The following ANKH variants were observed in gnomAD, a reference collection of about 807,000 sequenced individuals.
ANKH encodes the protein mineralization regulator ANKH.
Under a neutral mutation model 49.0 loss-of-function variants are expected in ANKH, and 15 were observed. That is an observed-to-expected ratio of 0.31 (90% CI 0.20 to 0.47). The LOEUF (loss-of-function observed/expected upper bound fraction) is 0.47, where lower values mean the gene tolerates loss of function less well. Among genes scored for constraint, ANKH ranks in the 20% least tolerant of loss-of-function variants. ANKH has a pLI of 1.00. For synonymous variants in ANKH, 273 were observed against 260.0 expected (o/e 1.05, Z -0.48); for missense variants, 429 against 652.0 (o/e 0.66, Z 3.72).
intron 1 of ANKH, among the ~76,000 whole-genome samples, chr5:14,822,758 C>A (rs535742780): frequency 6.6e-6 from 1 of 152,162 alleles, no homozygotes; most frequent in Non-Finnish European, 1.5e-5. Context: ...TTACTAATAC[C>A]GTAATTGGCT....
chr5:14,858,746 T>C (rs927854734), intron 1 of ANKH, among the ~76,000 whole-genome samples: 2 of 102,234 alleles, frequency 2.0e-5, no homozygotes, highest in African/African-American at 6.6e-5. Flanking sequence ...AATAAATAAA[T>C]AAATAAATAA....
At chr5:14,832,727 T>C (rs1561075707) in intron 1 of ANKH, among the ~76,000 whole-genome samples, 1 of 152,228 alleles carries the variant, frequency 6.6e-6, no homozygotes, top group African/African-American at 2.4e-5. Flanking sequence ...GTAGAGTTTG[T>C]TGGGCTGTTA....
chr5:14,722,468 G>C lies in ANKH; in HGVS notation c.1012-5633C>G, dbSNP rs549131933. 3.9e-5 allele frequency among the ~76,000 whole-genome samples: 6 copies of C among 152,280 alleles called. No homozygotes were observed. The South Asian group carries it at 1.2e-3, about 32-fold the overall frequency. ...AATGACTCATTCTAGGACCAAGGCA[G>C]AGAATATGCAAGATGATTCGCTTGG... On this transcript the variant is annotated intron_variant, in intron 8 of 11. Coordinates refer to ENST00000284268, the MANE Select transcript of ANKH (RefSeq NM_054027.6).
At chr5:14,746,007 A>G (rs539587910) in intron 6 of ANKH, 45 bp from the exon 7 acceptor site, 22 of 1,533,532 alleles carry the variant, frequency 1.4e-5, no homozygotes, top group Non-Finnish European at 1.8e-5. Context: ...ACCAGCAGGA[A>G]GTCCTCCAGG....
Position 14,826,722 on chromosome 5 carries a change from G to A in ANKH, c.96+44630C>T, listed in dbSNP as rs146895261. ...TTTGACTGTTGCATGCCAAGTAAGA[G>A]AGCAGATTTTCATATTAATTCTTAA... On this transcript the variant is annotated intron_variant, in intron 1 of 11. Coordinates refer to ENST00000284268, the MANE Select transcript of ANKH (RefSeq NM_054027.6). 8.8e-4 allele frequency among the ~76,000 whole-genome samples: 134 copies of A among 152,284 alleles called. 1 individual carries two copies. In the East Asian group the frequency reaches 0.024, roughly 27 times the overall value.
At chr5:14,810,424 G>T (rs569929603) in intron 1 of ANKH, among the ~76,000 whole-genome samples, 3 of 152,302 alleles carry the variant, frequency 2.0e-5, no homozygotes, top group Admixed American at 2.0e-4. Flanking sequence ...CTCCCAAAGT[G>T]CTGGGATTAC....
chr5:14,841,903 G>A (rs1291535174), intron 1 of ANKH, among the ~76,000 whole-genome samples: 1 of 152,168 alleles, frequency 6.6e-6, no homozygotes, highest in Non-Finnish European at 1.5e-5. Context: ...TGTGGCATGT[G>A]TCAATATGTG....
chr5:14,847,555 AGGCCT>A (rs1480879168), intron 1 of ANKH, among the ~76,000 whole-genome samples: 2 of 152,230 alleles, frequency 1.3e-5, no homozygotes, highest in Non-Finnish European at 2.9e-5. Flanking sequence ...TGGTCTGGGC[AGGCCT>A]GGTCCTTCTA....
intron 1 of ANKH, among the ~76,000 whole-genome samples, chr5:14,781,279 G>A (rs1221568739): frequency 2.0e-5 from 3 of 152,190 alleles, no homozygotes; most frequent in African/African-American, 7.2e-5. Context: ...TGAGGTTGTG[G>A]TTCAGGGGGA....
Position 14,745,763 on chromosome 5 carries a change from G to T in ANKH, c.915+107C>A. On this transcript the variant is annotated intron_variant, in intron 7 of 11. Transcript: ENST00000284268. This position sits in a 1 kb window ranked among gnomAD's most constrained non-coding sequence, Gnocchi z 4.7. ...CCCAACGTCACATTAACCTTACAAA[G>T]GGAAGCAGGACTGAGAAGCAACAAA... is the stretch of plus-strand genomic sequence containing the variant. 1.0e-6 allele frequency: 1 copy of T among 966,866 alleles called. No individual in the cohort carries two copies. Among genetic ancestry groups the T allele is most frequent in the South Asian group, 1.3e-5 (1 of 74,152 alleles). The allele number at this position is 966,866 out of a possible 1,614,324, so 59.9% of individuals were successfully genotyped here. A position where few individuals can be genotyped will look rare whatever the true frequency, so the allele number is the denominator to read the frequency against.
At chr5:14,764,580 AAAAT>A (rs1239921381) in intron 2 of ANKH, among the ~76,000 whole-genome samples, 4 of 152,246 alleles carry the variant, frequency 2.6e-5, no homozygotes, top group African/African-American at 7.2e-5. Context: ...CTTGCAAACA[AAAAT>A]AAATGCTTGT....
intron 1 of ANKH, 124 bp from the exon 2 acceptor site, chr5:14,769,315 C>T: frequency 5.0e-6 from 4 of 794,598 alleles, no homozygotes; most frequent in East Asian, 2.7e-5. Flanking sequence ...TTATAGGGTG[C>T]ATCTCATGTA....
chr5:14,862,602 A>G (rs1198486426), intron 1 of ANKH, among the ~76,000 whole-genome samples: 1 of 152,198 alleles, frequency 6.6e-6, no homozygotes, highest in East Asian at 1.9e-4. Flanking sequence ...CCAGATGAGA[A>G]CTATGTCCAA....
chr5:14,713,462 C>CT lies in ANKH; in HGVS notation c.1265+81dup. 2 of 1,571,296 alleles carry CT rather than the reference C, an allele frequency of 1.3e-6. No homozygotes were observed. The highest frequency in any genetic ancestry group is 1.7e-6 in the Non-Finnish European group (2 of 1,151,004). ...TTCTAGACGTGCCTGGGGATTTCCC[C>CT]TGAAAATGTAGCTGTTAAACCTCTG... On this transcript the variant is annotated intron_variant, in intron 10 of 11. Coordinates refer to ENST00000284268, the MANE Select transcript of ANKH (RefSeq NM_054027.6). This position sits in a 1 kb window ranked among gnomAD's most constrained non-coding sequence, Gnocchi z 4.4.
intron 6 of ANKH, 82 bp downstream of exon 6, chr5:14,749,090 G>C (rs758810192): frequency 6.3e-7 from 1 of 1,587,910 alleles, no homozygotes; most frequent in Middle Eastern, 2.0e-4. Flanking sequence ...TTGAGCTCTC[G>C]AGAAGAACTG....
chr5:14,843,102 A>G (rs1741858371), intron 1 of ANKH, among the ~76,000 whole-genome samples: 1 of 152,110 alleles, frequency 6.6e-6, no homozygotes, highest in Non-Finnish European at 1.5e-5. Context: ...CCTACAACTC[A>G]GCAGCAGCAG....
At chr5:14,719,474 A>G (rs763943638) in intron 8 of ANKH, among the ~76,000 whole-genome samples, 5 of 152,224 alleles carry the variant, frequency 3.3e-5, no homozygotes, top group Non-Finnish European at 4.4e-5. Flanking sequence ...ATAGGCCCAC[A>G]GGTCAGCTGA....
At chr5:14,801,174 T>C (rs975192978) in intron 1 of ANKH, among the ~76,000 whole-genome samples, 3 of 152,208 alleles carry the variant, frequency 2.0e-5, no homozygotes, top group Non-Finnish European at 4.4e-5. Flanking sequence ...CTTGGAAGAT[T>C]TAACAGAATT....
intron 1 of ANKH, among the ~76,000 whole-genome samples, chr5:14,802,635 CATTCTAG>C (rs1740597920): frequency 6.6e-6 from 1 of 152,042 alleles, no homozygotes; most frequent in Non-Finnish European, 1.5e-5. Context: ...TCCTCTTCTC[CATTCTAG>C]ATTCCAGACA....
Sources: allele counts gnomAD v4.1 joint callset (sites outside exome capture counted in the v4.1 genomes callset), GRCh38; gene constraint gnomAD v4.1.1; non-coding constraint Gnocchi (gnomAD v3.1); transcripts MANE v1.5; gene names NCBI Gene and HGNC (gene_info 2026-07-23, HGNC 2026-07-21).